USP6: variants seen among roughly 807,000 people sequenced by gnomAD.
USP6 encodes the protein ubiquitin carboxyl-terminal hydrolase 6.
USP6 carries 128 observed loss-of-function variants against 175.7 expected under a neutral mutation model. That is an observed-to-expected ratio of 0.73 (90% CI 0.63 to 0.84). The LOEUF (loss-of-function observed/expected upper bound fraction) is 0.84, where lower values mean the gene tolerates loss of function less well. USP6 is among the 40% of genes least tolerant of loss of function. USP6 has a pLI of 0.00. For synonymous variants in USP6, 562 were observed against 630.6 expected, an observed-to-expected ratio of 0.89 and a Z score of 1.63; for missense variants, 1,498 against 1,760.3, an observed-to-expected ratio of 0.85 and a Z score of 2.67.
chr17:5,140,373 C>T (rs1049041800), intron 22 of USP6, among the ~76,000 whole-genome samples: 18 of 152,112 alleles, frequency 1.2e-4, no homozygotes, highest in Admixed American at 6.5e-5. Flanking sequence ...AAGTCTGAGA[C>T]CAGCCTGGGA....
intron 2 of USP6, among the ~76,000 whole-genome samples, chr17:5,119,381 G>C (rs987488153): frequency 3.9e-5 from 6 of 152,196 alleles, no homozygotes; most frequent in African/African-American, 1.4e-4. Flanking sequence ...GCTTTGAATA[G>C]GTGGGCTTTT....
At position 5,119,172 on chromosome 17, in the gene USP6, ACT is replaced by A. The variant is rs1336047066; in HGVS notation, c.-1837+885_-1837+886del. Among the ~76,000 whole-genome samples, 4 of 151,914 alleles carry A rather than the reference ACT, an allele frequency of 2.6e-5. No individual in the cohort carries two copies. The South Asian group carries it at 6.2e-4, about 24-fold the overall frequency. On this transcript the variant is annotated intron_variant, in intron 2 of 37. Transcript: ENST00000574788. ...CCCTCTTCCTCAAAGAGATTATCAG[ACT>A]CTGACTTTTTCTCAGTTTTGGTCCT...
In USP6 at chr17:5,166,098, A is replaced by G. The variant is rs888776594; in HGVS notation, c.3037-1834A>G. The stretch of plus-strand genomic sequence containing the variant: ...TACACCCCTTTTTCTACTCATTCCA[A>G]CAACGATGATACAGCACGTTTCCTT... On this transcript the variant is annotated intron_variant, in intron 33 of 37. Transcript: ENST00000574788. Among the ~76,000 whole-genome samples the G allele has an allele frequency of 2.4e-4, 36 of 152,298 alleles. 1 individual carries two copies. The highest frequency in any genetic ancestry group is 8.2e-4 in the African/African-American group (34 of 41,556).
At chr17:5,134,233 A>T (rs2073179050) in intron 15 of USP6, 6 of 534,790 alleles carry the variant, frequency 1.1e-5, no homozygotes, top group Middle Eastern at 1.0e-3. Context: ...AGAAAACAGC[A>T]AAGAAAATCA....
chr17:5,163,748 A>T (rs1487469892), intron 33 of USP6, among the ~76,000 whole-genome samples: 1 of 152,236 alleles, frequency 6.6e-6, no homozygotes, highest in Non-Finnish European at 1.5e-5. Context: ...GTAACCAGGT[A>T]ACCACAGTTA....
chr17:5,162,574 A>G (rs2144126014), intron 32 of USP6, among the ~76,000 whole-genome samples: 1 of 152,372 alleles, frequency 6.6e-6, no homozygotes, highest in Non-Finnish European at 1.5e-5. Flanking sequence ...TGCATGCTGT[A>G]GTATCTCAAA....
At chr17:5,148,140 A>G (rs1285920250) in intron 29 of USP6, among the ~76,000 whole-genome samples, 1 of 152,192 alleles carries the variant, frequency 6.6e-6, no homozygotes, top group African/African-American at 2.4e-5. Flanking sequence ...AGCCCCCTAA[A>G]GTGCTAGGAT....
intron 21 of USP6, chr17:5,138,847 G>A (rs1390773487): frequency 1.8e-6 from 1 of 570,304 alleles, no homozygotes; most frequent in African/African-American, 1.9e-5. Context: ...CAGGGGGGCA[G>A]AGGGTGACCC....
chr17:5,126,795 G>A (rs1313593043), intron 6 of USP6: 6 of 152,214 alleles, frequency 3.9e-5, no homozygotes, highest in Non-Finnish European at 5.9e-5. Context: ...TAATTTTCAC[G>A]GCACAAGCAC....
chr17:5,120,450 T>A (rs2072628424), intron 2 of USP6, among the ~76,000 whole-genome samples, 177 bp from the exon 3 acceptor site: 1 of 152,150 alleles, frequency 6.6e-6, no homozygotes, highest in Non-Finnish European at 1.5e-5. Flanking sequence ...TAGCCCTGTA[T>A]GTTTGAGTAA....
At chr17:5,172,637 AAAT>A in intron 37 of USP6, among the ~76,000 whole-genome samples, 165 bp from the exon 38 acceptor site, 1 of 152,342 alleles carries the variant, frequency 6.6e-6, no homozygotes, top group Non-Finnish European at 1.5e-5. Flanking sequence ...CAAACATTGG[AAAT>A]AATGGGGCTC....
rs776685309 is a variant in USP6, at chr17:5,132,969, G to A, written c.255G>A (p.Glu85=). The A allele has an allele frequency of 1.2e-6, 2 of 1,614,186 alleles. No homozygotes were observed. The highest frequency in any genetic ancestry group is 1.7e-6 in the Non-Finnish European group (2 of 1,180,012). ...GGATGGAAATGCTGGGAGAATGGGA[G>A]ACATATAAGCACAGTAGCAAAGTAA... The part of the protein sequence containing the change: ...SKWMEMLGEW[E]TYKHSSKLID... Residue 85 remains glutamate, a synonymous_variant, in exon 13 of 38, where the codon GAG becomes GAA. Transcript: ENST00000574788. The surrounding 1 kb of genome is among the most constrained non-coding windows in gnomAD (Gnocchi z 4.7).
intron 25 of USP6, among the ~76,000 whole-genome samples, chr17:5,143,263 G>T (rs978454625): frequency 1.3e-5 from 2 of 152,202 alleles, no homozygotes; most frequent in African/African-American, 4.8e-5. Flanking sequence ...GTACCCAACA[G>T]CTCATTGAGA....
chr17:5,141,323 C>A (rs993188138), intron 22 of USP6, 102 bp from the exon 23 acceptor site: 4 of 1,055,388 alleles, frequency 3.8e-6, no homozygotes, highest in Admixed American at 2.7e-5. Context: ...TTAAAACTTC[C>A]GATTTAGGAA....
chr17:5,172,243 G>A (rs535715049), intron 37 of USP6, among the ~76,000 whole-genome samples: 2 of 152,024 alleles, frequency 1.3e-5, no homozygotes, highest in African/African-American at 2.4e-5. Context: ...AGAATTTGAT[G>A]GGGTTGGGCC....
chr17:5,166,687 TC>T (rs2074102740), intron 33 of USP6, among the ~76,000 whole-genome samples: 1 of 151,986 alleles, frequency 6.6e-6, no homozygotes. Flanking sequence ...TCACCCACCT[TC>T]CCATACATTA....
Position 5,130,445 on chromosome 17 carries a change from G to A in USP6, c.72+6G>A, listed in dbSNP as rs373039669. 2 of 1,614,140 alleles carry A rather than the reference G, an allele frequency of 1.2e-6. No homozygotes were observed. The highest frequency in any genetic ancestry group is 8.5e-7 in the Non-Finnish European group (1 of 1,180,008). On this transcript the variant is annotated splice_donor_region_variant and intron_variant, in intron 10 of 37. Transcript: ENST00000574788. The stretch of plus-strand genomic sequence containing the variant: ...TACTTATGAAGTATGACAAGGTACA[G>A]TTCGGTCTGCTCCTTGGAGGGAGGC...
rs79194443 is a variant in USP6 at position 5,116,609 on chromosome 17, G to A, written c.-2059G>A. On this transcript the variant is annotated 5_prime_UTR_variant, in exon 1 of 38. Transcript: ENST00000574788. ...GTGGAGGCACTAGACCCTCACCAGG[G>A]GTCTGTCAGGAAAGGCGGGCAGATA... The A allele has an allele frequency of 0.062, 9,377 of 152,350 alleles. 354 individuals are homozygous for A. Among genetic ancestry groups the A allele is most frequent in the East Asian group, 0.16 (805 of 5,182 alleles). The allele number at this position is 152,350 out of a possible 1,614,324, so 9.4% of individuals were successfully genotyped here.
chr17:5,146,270 A>G, intron 28 of USP6, 96 bp downstream of exon 28: 1 of 1,417,874 alleles, frequency 7.1e-7, no homozygotes, highest in Non-Finnish European at 9.4e-7. Context: ...TGTGACCAAG[A>G]GAGATACTAA....
Sources: gnomAD v4.1 joint callset for allele counts (sites outside exome capture counted in the v4.1 genomes callset) on GRCh38, gnomAD v4.1.1 for gene constraint, Gnocchi (gnomAD v3.1) non-coding constraint, MANE v1.5 for transcripts, NCBI Gene and HGNC (gene_info 2026-07-23, HGNC 2026-07-21) for gene names.